HPSE2: variants seen among roughly 807,000 people sequenced by gnomAD.
HPSE2 encodes inactive heparanase-2.
Under a neutral mutation model 60.5 loss-of-function variants are expected in HPSE2, and 38 were observed. The ratio of observed to expected loss-of-function variants is 0.63; its 90% CI spans 0.48 to 0.82. The LOEUF (loss-of-function observed/expected upper bound fraction) is 0.82, where lower values mean the gene tolerates loss of function less well. Ranked by LOEUF, HPSE2 falls within the 40% of genes least tolerant of loss-of-function variation. HPSE2 has a pLI of 0.00. For synonymous variants in HPSE2, 295 were observed against 293.2 expected (o/e 1.01, Z -0.06); for missense variants, 713 against 740.4 (o/e 0.96, Z 0.43).
the HPSE2 span, among the ~76,000 whole-genome samples, chr10:99,285,432 T>TA: frequency 1.9e-3 from 166 of 85,532 alleles, 1 homozygote; most frequent in Admixed American, 0.015. Context: ...GCTATCTCAA[T>TA]AAAAAAAAAG....
intron 3 of HPSE2, among the ~76,000 whole-genome samples, chr10:99,107,912 CT>C (rs1844311041): frequency 6.6e-6 from 1 of 152,168 alleles, no homozygotes; most frequent in Non-Finnish European, 1.5e-5. Context: ...TATTATCCTT[CT>C]GCAAATATTA....
At chr10:99,123,474 C>T (rs1032355258) in intron 3 of HPSE2, among the ~76,000 whole-genome samples, 7 of 152,204 alleles carry the variant, frequency 4.6e-5, no homozygotes, top group African/African-American at 1.7e-4. Flanking sequence ...TTAAAAACAG[C>T]ACTAAAGGCA....
At chr10:98,695,893 C>T (rs974212752) in intron 5 of HPSE2, among the ~76,000 whole-genome samples, 5 of 152,220 alleles carry the variant, frequency 3.3e-5, no homozygotes, top group South Asian at 2.1e-4. Flanking sequence ...CCTCCTGTCA[C>T]GTGCTATCCT....
At chr10:99,019,908 C>T (rs1957224640) in intron 3 of HPSE2, among the ~76,000 whole-genome samples, 1 of 151,966 alleles carries the variant, frequency 6.6e-6, no homozygotes, top group South Asian at 2.1e-4. Flanking sequence ...GATGGGGTTT[C>T]ACCATGCTGG....
At chr10:98,613,921 TC>T (rs1945828272) in intron 9 of HPSE2, among the ~76,000 whole-genome samples, 1 of 152,240 alleles carries the variant, frequency 6.6e-6, no homozygotes, top group African/African-American at 2.4e-5. Context: ...GCGTAGCTTT[TC>T]TGGTCCATGG....
chr10:98,742,910 T>C (rs1949534389), intron 4 of HPSE2, among the ~76,000 whole-genome samples: 1 of 151,918 alleles, frequency 6.6e-6, no homozygotes, highest in African/African-American at 2.4e-5. Flanking sequence ...ATTATGAATT[T>C]CAAGATGGTG....
chr10:98,486,551 G>T (rs936841404), intron 10 of HPSE2, among the ~76,000 whole-genome samples: 1 of 152,132 alleles, frequency 6.6e-6, no homozygotes, highest in African/African-American at 2.4e-5. Context: ...AAGTGAGTCA[G>T]GGAAAGGAGG....
At chr10:98,669,028 TTAAA>T (rs1947441597) in intron 6 of HPSE2, among the ~76,000 whole-genome samples, 1 of 152,074 alleles carries the variant, frequency 6.6e-6, no homozygotes, top group African/African-American at 2.4e-5. Flanking sequence ...TATAAGGAAC[TTAAA>T]TAAACAAGCA....
intron 7 of HPSE2, among the ~76,000 whole-genome samples, chr10:98,625,485 G>A (rs1589527723): frequency 6.6e-6 from 1 of 152,242 alleles, no homozygotes; most frequent in East Asian, 1.9e-4. Flanking sequence ...ATACCAGAAG[G>A]ATTTTATGTG....
chr10:98,902,131 A>T (rs1300328161), intron 3 of HPSE2, among the ~76,000 whole-genome samples: 1 of 152,200 alleles, frequency 6.6e-6, no homozygotes, highest in African/African-American at 2.4e-5. Flanking sequence ...ATGCTGACTT[A>T]AGAAGTGTTA....
intron 3 of HPSE2, among the ~76,000 whole-genome samples, chr10:99,115,732 A>C (rs1844663518): frequency 6.6e-6 from 1 of 152,208 alleles, no homozygotes; most frequent in Admixed American, 6.5e-5. Context: ...TGAAGGTTGA[A>C]TCTAATGAAA....
intron 4 of HPSE2, among the ~76,000 whole-genome samples, chr10:98,723,930 G>A (rs1948997404): frequency 6.6e-6 from 1 of 152,054 alleles, no homozygotes; most frequent in African/African-American, 2.4e-5. Flanking sequence ...TGGATTCACT[G>A]ATTTTTTGAA....
intron 8 of HPSE2, among the ~76,000 whole-genome samples, chr10:98,618,157 A>T (rs369976811): frequency 3.3e-5 from 5 of 152,244 alleles, no homozygotes; most frequent in African/African-American, 9.6e-5. Context: ...AAGAGGTAAG[A>T]GAGATGGGGA....
At chr10:98,506,285 G>A (rs1167174563) in intron 9 of HPSE2, among the ~76,000 whole-genome samples, 2 of 152,138 alleles carry the variant, frequency 1.3e-5, no homozygotes, top group African/African-American at 4.8e-5. Flanking sequence ...AGGAGAAAAT[G>A]TGAAAACCTT....
intron 3 of HPSE2, among the ~76,000 whole-genome samples, chr10:98,986,296 C>T (rs1401003473): frequency 6.6e-6 from 1 of 152,094 alleles, no homozygotes; most frequent in Non-Finnish European, 1.5e-5. Flanking sequence ...AACTCTCTCT[C>T]AGACCACAGT....
At chr10:98,673,115 A>G (rs1947548690) in intron 6 of HPSE2, among the ~76,000 whole-genome samples, 1 of 152,178 alleles carries the variant, frequency 6.6e-6, no homozygotes, top group Non-Finnish European at 1.5e-5. Flanking sequence ...TAATCCTAGA[A>G]TGCAAGCTCC....
chr10:98,580,539 T>C (rs1235755641), intron 9 of HPSE2, among the ~76,000 whole-genome samples: 1 of 152,090 alleles, frequency 6.6e-6, no homozygotes, highest in African/African-American at 2.4e-5. Flanking sequence ...ATATTTTTAA[T>C]TTCCAAGAGG....
At chr10:98,867,881 G>A (rs536875418) in intron 3 of HPSE2, among the ~76,000 whole-genome samples, 57 of 152,078 alleles carry the variant, frequency 3.7e-4, no homozygotes, top group Non-Finnish European at 5.9e-4. Context: ...CCAACATGGC[G>A]AAACCCTGTC....
the HPSE2 span, among the ~76,000 whole-genome samples, chr10:99,284,368 G>GA: frequency 6.6e-6 from 1 of 151,966 alleles, no homozygotes; most frequent in East Asian, 1.9e-4. Context: ...AGGAATAGAA[G>GA]AAAAATTCCT....
Sources: gnomAD v4.1 joint callset for allele counts (sites outside exome capture counted in the v4.1 genomes callset) on GRCh38, gnomAD v4.1.1 for gene constraint, MANE v1.5 for transcripts, NCBI Gene and HGNC (gene_info 2026-07-23, HGNC 2026-07-21) for gene names.